ZNF446: variants seen among roughly 807,000 people sequenced by gnomAD.
The protein encoded by ZNF446 is zinc finger protein 446.
Under a neutral mutation model 34.0 loss-of-function variants are expected in ZNF446, and 42 were observed. That is an observed-to-expected ratio of 1.23 (90% confidence interval 0.96 to 1.60). The LOEUF (loss-of-function observed/expected upper bound fraction) is 1.60. Ranked by LOEUF, ZNF446 falls within the 40% of genes most tolerant of loss-of-function variation. The probability of loss-of-function intolerance (pLI) is 0.00; values close to 1 mark genes in which losing one functional copy is unlikely to be tolerated. For missense variants in ZNF446, 650 were observed against 600.2 expected (o/e 1.08, Z -0.87); for synonymous variants, 315 against 251.0 (o/e 1.25, Z -2.41).
chr19:58,487,315 C>A, the ZNF446 span, among the ~76,000 whole-genome samples: 1 of 152,126 alleles, frequency 6.6e-6, no homozygotes, highest in Non-Finnish European at 1.5e-5. Flanking sequence ...GTGGTGAAAC[C>A]ATAGGTCACT....
At position 58,480,226 on chromosome 19, in the gene ZNF446, G is replaced by T. The variant is rs1266909771; in HGVS notation, c.853G>T (p.Gly285Cys). ...PGCPEAQPPQ[G>C]PGPAAWEGLS... is the part of the protein sequence containing the mutation. ...CTGCCCAGAGGCCCAGCCGCCCCAGGGCCCAGGGCCGGCAGCCTGGGAGGG... is the reference window on the plus strand; with the variant it reads ...CTGCCCAGAGGCCCAGCCGCCCCAGTGCCCAGGGCCGGCAGCCTGGGAGGG... Residue 285 changes from glycine to cysteine, a missense_variant, in exon 7 of 7, where the codon GGC becomes TGC. Transcript: ENST00000594369. The surrounding 1 kb of genome is among the most constrained non-coding windows in gnomAD (Gnocchi z 7.2). 4 of 1,595,204 alleles carry T rather than the reference G, an allele frequency of 2.5e-6. No individual in the cohort carries two copies. The highest frequency in any genetic ancestry group is 2.5e-6 in the Non-Finnish European group (3 of 1,176,978).
downstream of ZNF446, among the ~76,000 whole-genome samples, chr19:58,482,220 C>G (rs909619488): frequency 3.3e-5 from 5 of 152,144 alleles, no homozygotes; most frequent in African/African-American, 1.2e-4. Context: ...GTCCATTCCT[C>G]CGTCTTCAAA....
downstream of ZNF446, among the ~76,000 whole-genome samples, chr19:58,483,212 G>T (rs2053151878): frequency 6.6e-6 from 1 of 152,030 alleles, no homozygotes; most frequent in South Asian, 2.1e-4. Flanking sequence ...ATAATAGTAG[G>T]CTGGGTGTGG....
chr19:58,479,577 G>T, intron 4 of ZNF446, 66 bp from the exon 5 acceptor site: 1 of 1,554,648 alleles, frequency 6.4e-7, no homozygotes, highest in South Asian at 1.2e-5. Flanking sequence ...TAATAGGTAA[G>T]AATGTGAACC....
chr19:58,479,563 C>A, intron 4 of ZNF446, 80 bp from the exon 5 acceptor site: 2 of 1,486,386 alleles, frequency 1.3e-6, no homozygotes, highest in South Asian at 1.3e-5. Context: ...CTGACTCTTC[C>A]GGGTAATAGG....
Position 58,477,418 on chromosome 19 carries a change from AGATGCTGGT to A in ZNF446, c.202_210del (p.Met68_Val70del), listed in dbSNP as rs1370278160. 1 of 1,613,396 alleles carries A rather than the reference AGATGCTGGT, an allele frequency of 6.2e-7. No homozygotes were observed. The highest frequency in any genetic ancestry group is 1.7e-5 in the Admixed American group (1 of 60,010). ...GCACACTCCAAGGAGCAGATGCTGG[AGATGCTGGT>A]GCTGGAGCAGTTCCTGGGCACACTG... is the stretch of plus-strand genomic sequence containing the variant. On this transcript the variant is annotated inframe_deletion, in exon 2 of 7. Coordinates refer to ENST00000594369, the MANE Select transcript of ZNF446 (RefSeq NM_017908.4).
At chr19:58,483,323 TA>T (rs1021316593), downstream of ZNF446, among the ~76,000 whole-genome samples, 3 of 151,994 alleles carry the variant, frequency 2.0e-5, no homozygotes, top group East Asian at 5.8e-4. Context: ...TCAACTGTAC[TA>T]AAAAAAATAC....
Position 58,480,876 on chromosome 19 carries a change from C to G in ZNF446, c.*150C>G. The G allele has an allele frequency of 3.4e-6, 3 of 882,284 alleles. No homozygotes were observed. Among genetic ancestry groups the G allele is most frequent in the Non-Finnish European group, 5.1e-6 (3 of 592,624 alleles). The allele number at this position is 882,284 out of a possible 1,614,324, so 54.7% of individuals were successfully genotyped here. On this transcript the variant is annotated 3_prime_UTR_variant, in exon 7 of 7. Transcript: ENST00000594369. The surrounding 1 kb of genome is among the most constrained non-coding windows in gnomAD (Gnocchi z 7.2). The stretch of plus-strand genomic sequence containing the variant: ...AGTTCCCTGCCCCTGGTCTGGTCTC[C>G]CCCAAAAGACCTGGGTGCAAGGAAA...
downstream of ZNF446, among the ~76,000 whole-genome samples, chr19:58,484,107 C>T (rs1305158861): frequency 2.6e-5 from 4 of 151,694 alleles, no homozygotes; most frequent in Admixed American, 2.0e-4. Context: ...TTCTGGAGAC[C>T]GGAAGTTAGA....
At chr19:58,486,495 C>T in the ZNF446 span, among the ~76,000 whole-genome samples, 1 of 152,008 alleles carries the variant, frequency 6.6e-6, no homozygotes, top group East Asian at 1.9e-4. Context: ...GCAACCTCCG[C>T]CTCCTGGGTT....
At chr19:58,477,082 A>G (rs1245192046) in intron 1 of ZNF446, 97 bp from the exon 2 acceptor site, 2 of 735,378 alleles carry the variant, frequency 2.7e-6, no homozygotes, top group African/African-American at 3.5e-5. Context: ...CTCAGAGTAC[A>G]CTTGGTCCTG....
downstream of ZNF446, among the ~76,000 whole-genome samples, chr19:58,484,294 AC>A (rs1160602348): frequency 5.8e-5 from 8 of 138,066 alleles, no homozygotes; most frequent in South Asian, 1.4e-3. Context: ...AAAAAAAAAA[AC>A]ACACAATTAA....
chr19:58,479,121 CCAGGCTCCCTCCA>C (rs1470769985), intron 4 of ZNF446, among the ~76,000 whole-genome samples: 1 of 152,192 alleles, frequency 6.6e-6, no homozygotes, highest in Non-Finnish European at 1.5e-5. Flanking sequence ...AGAAGTCCTT[CCAGGCTCCCTCCA>C]CAGCCCCATG....
chr19:58,476,570 C>T (rs2053087623), intron 1 of ZNF446, 66 bp downstream of exon 1: 1 of 152,266 alleles, frequency 6.6e-6, no homozygotes. Flanking sequence ...CTCCGCGCAA[C>T]GTGGAGCTTT....
At chr19:58,478,955 C>T (rs1335409941) in intron 4 of ZNF446, among the ~76,000 whole-genome samples, 2 of 152,196 alleles carry the variant, frequency 1.3e-5, no homozygotes, top group African/African-American at 2.4e-5. Context: ...CAGAGGCCAC[C>T]TGTTAGGCCT....
the ZNF446 span, among the ~76,000 whole-genome samples, chr19:58,486,691 G>C: frequency 2.0e-5 from 3 of 147,102 alleles, no homozygotes; most frequent in Non-Finnish European, 4.5e-5. Flanking sequence ...TTACAGGCGT[G>C]AGCCACCGCA....
At position 58,477,639 on chromosome 19, in the gene ZNF446, C is replaced by T; in HGVS notation, c.345C>T (p.Ile115=). The change falls in exon 3 of 7, where the codon ATC becomes ATT. Residue 115 remains isoleucine (I), a splice_region_variant and synonymous_variant. Transcript: ENST00000594369. The part of the protein sequence containing the change: ...QHDPGQLLGW[I]TAHVLKQEVL... ...TGTGACCTACCTCTTCTCCTCAGAT[C>T]ACAGCCCATGTCCTGAAGCAGGAGG... 6.2e-7 allele frequency: 1 copy of T among 1,613,784 alleles called. No homozygotes were observed.
In ZNF446 at chr19:58,478,190, C is replaced by G. The variant is rs749622182; in HGVS notation, c.627+9C>G. The stretch of plus-strand genomic sequence containing the variant: ...ACCCACCCAGGATTCAGGTGAGCAG[C>G]CCCAAGTGGGAAGTATAGGCCCCAG... On this transcript the variant is annotated intron_variant, in intron 4 of 6. Transcript: ENST00000594369. The G allele has an allele frequency of 1.2e-6, 2 of 1,612,816 alleles. No individual in the cohort carries two copies. The highest frequency in any genetic ancestry group is 2.2e-5 in the South Asian group (2 of 91,004).
Position 58,479,691 on chromosome 19 carries a change from G to A in ZNF446, c.676G>A (p.Ala226Thr), listed in dbSNP as rs1279463812. 3 of 1,613,838 alleles carry A rather than the reference G, an allele frequency of 1.9e-6. No individual in the cohort carries two copies. Among genetic ancestry groups the A allele is most frequent in the East Asian group, 2.2e-5 (1 of 44,878 alleles). ...GTCACAGAAGGAACTGTACTGGGAT[G>A]CGATGCTGGAGAAGTACGGCACAGT... Reference protein sequence around the residue: ...DRSQKELYWDAMLEKYGTVVS... With the variant: ...DRSQKELYWDTMLEKYGTVVS... The change falls in exon 5 of 7, where the codon GCG becomes ACG. Residue 226 changes from alanine to threonine, a missense_variant. By Grantham distance (58) the Ala-to-Thr change is moderately conservative. Transcript: ENST00000594369.
Sources: gnomAD v4.1 joint callset for allele counts (sites outside exome capture counted in the v4.1 genomes callset) on GRCh38, gnomAD v4.1.1 for gene constraint, Gnocchi (gnomAD v3.1) non-coding constraint, MANE v1.5 for transcripts, NCBI Gene and HGNC (gene_info 2026-07-23, HGNC 2026-07-21) for gene names.